SLC4A10: variants seen among roughly 807,000 people sequenced by gnomAD.
SLC4A10 encodes solute carrier family 4 member 10.
A neutral mutation model predicts 137.7 loss-of-function variants in SLC4A10; 42 were observed. That is an observed-to-expected ratio of 0.30 (90% confidence interval 0.24 to 0.39). The LOEUF is 0.39. Ranked by LOEUF, SLC4A10 falls within the 10% of genes least tolerant of loss-of-function variation. The pLI, the probability that SLC4A10 is intolerant of heterozygous loss-of-function variation, is 1.00. For synonymous variants in SLC4A10, 474 were observed against 464.1 expected (o/e 1.02, Z -0.27); for missense variants, 925 against 1,355.0 (o/e 0.68, Z 4.98).
intron 15 of SLC4A10, among the ~76,000 whole-genome samples, chr2:161,933,609 G>T (rs1691019400): frequency 6.6e-6 from 1 of 152,118 alleles, no homozygotes; most frequent in South Asian, 2.1e-4. Context: ...TGCCCAGATT[G>T]TTCTCAAAGG....
intron 3 of SLC4A10, among the ~76,000 whole-genome samples, chr2:161,808,698 T>A (rs189971306): frequency 5.3e-4 from 80 of 152,266 alleles, no homozygotes; most frequent in African/African-American, 1.8e-3. Flanking sequence ...TTAATTTTTT[T>A]AGGATAATGA....
intron 1 of SLC4A10, among the ~76,000 whole-genome samples, chr2:161,746,083 CT>C (rs2048355536): frequency 6.6e-6 from 1 of 152,096 alleles, no homozygotes; most frequent in Non-Finnish European, 1.5e-5. Flanking sequence ...TGACTATTTC[CT>C]GACTACTGCT....
intron 1 of SLC4A10, among the ~76,000 whole-genome samples, chr2:161,680,026 A>G (rs904926112): frequency 6.6e-6 from 1 of 152,006 alleles, no homozygotes; most frequent in African/African-American, 2.4e-5. Context: ...TGAATTCACT[A>G]TGATACTTCA....
chr2:161,635,924 G>A (rs2034317791), intron 1 of SLC4A10, among the ~76,000 whole-genome samples: 2 of 152,082 alleles, frequency 1.3e-5, no homozygotes, highest in Admixed American at 1.3e-4. Context: ...TTATCCATTT[G>A]TGAACTGCTG....
chr2:161,630,683 G>T (rs1249743401), intron 1 of SLC4A10, among the ~76,000 whole-genome samples: 1 of 151,704 alleles, frequency 6.6e-6, no homozygotes. Context: ...CAACGGCTGA[G>T]TTCCAAATTA....
At chr2:161,880,901 G>C (rs1246811779) in intron 9 of SLC4A10, among the ~76,000 whole-genome samples, 1 of 152,042 alleles carries the variant, frequency 6.6e-6, no homozygotes, top group East Asian at 1.9e-4. Flanking sequence ...AAATTCCCAT[G>C]AGTAGAAAAA....
intron 1 of SLC4A10, among the ~76,000 whole-genome samples, chr2:161,655,254 G>GT (rs1016951223): frequency 6.6e-6 from 1 of 151,988 alleles, no homozygotes; most frequent in Admixed American, 6.6e-5. Context: ...TATTCTAGCA[G>GT]TTTTTTGGTG....
intron 1 of SLC4A10, among the ~76,000 whole-genome samples, chr2:161,768,933 C>T (rs2051224207): frequency 6.6e-6 from 1 of 151,898 alleles, no homozygotes; most frequent in Non-Finnish European, 1.5e-5. Flanking sequence ...GCTAGGGTTC[C>T]TATCACAAAT....
At position 161,850,124 on chromosome 2, in the gene SLC4A10, T is replaced by A. The variant is rs146626833; in HGVS notation, c.417-4846T>A. Among the ~76,000 whole-genome samples the A allele has an allele frequency of 1.6e-3, 242 of 152,264 alleles. 1 individual carries two copies. Among genetic ancestry groups the A allele is most frequent in the African/African-American group, 5.5e-3 (230 of 41,562 alleles). Reference sequence around the variant, plus strand: ...TTTCTGGTTAGGCCAGGTACACGGCTCACACCTCTAATTCCAGCACTTTGG... The same window carrying A: ...TTTCTGGTTAGGCCAGGTACACGGCACACACCTCTAATTCCAGCACTTTGG... On this transcript the variant is annotated intron_variant, in intron 4 of 26. Transcript: ENST00000446997.
chr2:161,951,975 A>T (rs544226176), intron 19 of SLC4A10, among the ~76,000 whole-genome samples: 1 of 152,168 alleles, frequency 6.6e-6, no homozygotes, highest in African/African-American at 2.4e-5. Flanking sequence ...TCACAACTTT[A>T]TGTATTTTAT....
rs2055706476 is a variant in SLC4A10, at chr2:161,804,478, G to T, written c.160G>T (p.Val54Leu). The change falls in exon 3 of 27, where the codon GTG (valine) becomes TTG (leucine). Residue 54 changes from valine (V) to leucine (L), a missense_variant. Val to Leu is a conservative substitution (Grantham distance 32, BLOSUM62 1). Transcript: ENST00000446997. ...TCGAACACTATTTATTGGAGTACAT[G>T]TGCCCTTGGGAGGAAGAAAAAGCCA... ...GHRTLFIGVH[V>L]PLGGRKSHRR... is the part of the protein sequence containing the mutation. 6.2e-7 allele frequency: 1 copy of T among 1,612,990 alleles called. No homozygotes were observed. The highest frequency in any genetic ancestry group is 1.3e-5 in the African/African-American group (1 of 74,982).
At chr2:161,783,784 C>T (rs2053319812) in intron 2 of SLC4A10, among the ~76,000 whole-genome samples, 1 of 150,652 alleles carries the variant, frequency 6.6e-6, no homozygotes, top group Admixed American at 6.6e-5. Context: ...ATCAAAGATT[C>T]CCAACAAAAA....
chr2:161,829,388 T>C (rs2058274694), intron 3 of SLC4A10, among the ~76,000 whole-genome samples: 1 of 152,196 alleles, frequency 6.6e-6, no homozygotes, highest in African/African-American at 2.4e-5. Flanking sequence ...TGTTGTTTTT[T>C]TAAAAGATAC....
intron 1 of SLC4A10, among the ~76,000 whole-genome samples, chr2:161,736,628 C>T (rs191522424): frequency 1.1e-4 from 17 of 152,154 alleles, no homozygotes; most frequent in East Asian, 5.8e-4. Context: ...AACTCATTCA[C>T]GATCATGAGA....
chr2:161,666,691 T>A (rs2039082458), intron 1 of SLC4A10, among the ~76,000 whole-genome samples: 1 of 151,686 alleles, frequency 6.6e-6, no homozygotes. Context: ...ATGAGACATT[T>A]AATATGGAAG....
intron 9 of SLC4A10, among the ~76,000 whole-genome samples, chr2:161,880,457 G>A (rs1457129345): frequency 6.6e-6 from 1 of 152,120 alleles, no homozygotes; most frequent in Non-Finnish European, 1.5e-5. Flanking sequence ...TGACTGGAAC[G>A]GGATTCAGTG....
chr2:161,630,011 A>G (rs1446848838), intron 1 of SLC4A10, among the ~76,000 whole-genome samples: 2 of 151,816 alleles, frequency 1.3e-5, no homozygotes, highest in Admixed American at 6.6e-5. Flanking sequence ...CCATGTGCAG[A>G]TCTTTGTGTG....
chr2:161,919,144 C>T (rs1285431491), intron 15 of SLC4A10, among the ~76,000 whole-genome samples: 1 of 152,180 alleles, frequency 6.6e-6, no homozygotes, highest in African/African-American at 2.4e-5. Flanking sequence ...GACACACCAG[C>T]CCCCTGCCAT....
chr2:161,961,982 C>A (rs1696801706), intron 21 of SLC4A10, among the ~76,000 whole-genome samples: 1 of 152,060 alleles, frequency 6.6e-6, no homozygotes, highest in Admixed American at 6.5e-5. Context: ...GGAATTGTAG[C>A]TAACTGGGTG....
Sources: gnomAD v4.1 joint callset for allele counts (sites outside exome capture counted in the v4.1 genomes callset) on GRCh38, gnomAD v4.1.1 for gene constraint, MANE v1.5 for transcripts, NCBI Gene and HGNC (gene_info 2026-07-23, HGNC 2026-07-21) for gene names.